Variants in INPP5D observed in about 807,000 individuals in gnomAD.
INPP5D encodes inositol polyphosphate-5-phosphatase D, also known as phosphatidylinositol 3,4,5-trisphosphate 5-phosphatase 1.
A neutral mutation model predicts 122.9 loss-of-function variants in INPP5D; 33 were observed. That is an observed-to-expected ratio of 0.27 (90% CI 0.20 to 0.36). The LOEUF (loss-of-function observed/expected upper bound fraction) is 0.36. INPP5D is among the 10% of genes least tolerant of loss of function. INPP5D has a pLI of 1.00. For missense variants in INPP5D, 1,053 were observed against 1,412.7 expected (o/e 0.75, Z 4.08); for synonymous variants, 584 against 576.2 (o/e 1.01, Z -0.19).
At position 233,060,596 on chromosome 2, in the gene INPP5D, T is replaced by C. The variant is rs758308733; in HGVS notation, c.118T>C (p.Tyr40His). ...TGCCAGCGAGTCCATCTCCCGGGCATACGCGCTCTGCGTGCTGTGAGTACA... is the reference window on the plus strand; with the variant it reads ...TGCCAGCGAGTCCATCTCCCGGGCACACGCGCTCTGCGTGCTGTGAGTACA... ...VRASESISRA[Y>H]ALCVLYRNCV... Residue 40 changes from tyrosine (Y) to histidine (H), a missense_variant, in exon 1 of 27, where the codon TAC becomes CAC. Tyr to His is a moderately conservative substitution (Grantham distance 83, BLOSUM62 2). This residue lies in a region of INPP5D where 74 missense variants were observed against 146.6 expected (regional missense o/e 0.50). Coordinates refer to ENST00000445964, the MANE Select transcript of INPP5D (RefSeq NM_001017915.3). 1.2e-6 allele frequency: 2 copies of C among 1,613,890 alleles called. No individual in the cohort carries two copies. The highest frequency in any genetic ancestry group is 1.3e-5 in the African/African-American group (1 of 74,954).
At chr2:233,193,563 A>T (rs1695106190) in intron 22 of INPP5D, among the ~76,000 whole-genome samples, 1 of 152,186 alleles carries the variant, frequency 6.6e-6, no homozygotes, top group African/African-American at 2.4e-5. Context: ...CAGCGATCAG[A>T]TGAGTGTTTA....
intron 14 of INPP5D, chr2:233,169,657 C>A: frequency 1.7e-6 from 1 of 604,006 alleles, no homozygotes; most frequent in Non-Finnish European, 2.8e-6. Flanking sequence ...CTAACTAGCA[C>A]TGTTTCTAAA....
chr2:233,176,997 A>G (rs970765738), intron 17 of INPP5D, among the ~76,000 whole-genome samples: 4 of 152,108 alleles, frequency 2.6e-5, no homozygotes, highest in Non-Finnish European at 1.5e-5. Context: ...AGAGAAGGTG[A>G]AGATACAAGG....
chr2:233,060,448 GC>G lies in INPP5D; in HGVS notation c.-29del. 1 of 1,567,806 alleles carries G rather than the reference GC, an allele frequency of 6.4e-7. No homozygotes were observed. The highest frequency in any genetic ancestry group is 8.7e-7 in the Non-Finnish European group (1 of 1,155,124). On this transcript the variant is annotated 5_prime_UTR_variant, in exon 1 of 27. Transcript: ENST00000445964. ...TGGTGTGTGGGTCCTGGGGGTGCCT[GC>G]CGGCCCGGCCGAGGAGGCCCACGCC...
chr2:233,134,352 T>C (rs1298210933), intron 5 of INPP5D, among the ~76,000 whole-genome samples: 1 of 150,536 alleles, frequency 6.6e-6, no homozygotes, highest in East Asian at 2.0e-4. Context: ...CAGGTGAGAG[T>C]GTAGACAGAG....
intron 13 of INPP5D, 93 bp from the exon 14 acceptor site, chr2:233,169,212 C>T: frequency 6.5e-7 from 1 of 1,527,892 alleles, no homozygotes; most frequent in South Asian, 1.2e-5. Flanking sequence ...TCCTCACTCA[C>T]TGCCCCTCTC....
intron 1 of INPP5D, among the ~76,000 whole-genome samples, chr2:233,062,849 C>T (rs1691111459): frequency 1.3e-5 from 2 of 152,140 alleles, no homozygotes; most frequent in African/African-American, 2.4e-5. Context: ...CATATGGCTG[C>T]CACCCTGGAT....
intron 5 of INPP5D, among the ~76,000 whole-genome samples, chr2:233,131,329 G>C (rs1045242384): frequency 7.4e-6 from 1 of 135,178 alleles, no homozygotes; most frequent in Non-Finnish European, 1.7e-5. Context: ...CCAAAAGCTT[G>C]GAAGAGAAAA....
At chr2:233,081,897 G>T (rs143458045) in intron 2 of INPP5D, among the ~76,000 whole-genome samples, 1,731 of 152,210 alleles carry the variant, frequency 0.011, 27 homozygotes, top group African/African-American at 0.033. Context: ...GGCTTTCTCC[G>T]CATGAGCCAC....
In INPP5D at chr2:233,204,736, G is replaced by A; in HGVS notation, c.3567+19G>A. The stretch of plus-strand genomic sequence containing the variant: ...CATGCAGGTGCGCTGCGCCACACGT[G>A]GGTTCGTGTGCATTTGTGTGTGTGT... On this transcript the variant is annotated intron_variant, in intron 26 of 26. Transcript: ENST00000445964. 6.8e-7 allele frequency: 1 copy of A among 1,473,490 alleles called. No individual in the cohort carries two copies. Among genetic ancestry groups the A allele is most frequent in the Non-Finnish European group, 9.0e-7 (1 of 1,114,568 alleles). The allele number at this position is 1,473,490 out of a possible 1,614,324, so 91.3% of individuals were successfully genotyped here.
Position 233,180,381 on chromosome 2 carries a change from C to T in INPP5D, c.2072-2029C>T, listed in dbSNP as rs537264847. On this transcript the variant is annotated intron_variant, in intron 18 of 26. Coordinates refer to ENST00000445964, the MANE Select transcript of INPP5D (RefSeq NM_001017915.3). ...AATGCTTAAAAAAAAAAACCCTGCT[C>T]GTCAACCCATTAAATTCTCCCTGGA... is the stretch of plus-strand genomic sequence containing the variant. Among the ~76,000 whole-genome samples the T allele has an allele frequency of 4.0e-4, 61 of 152,036 alleles. No homozygotes were observed. In the South Asian group the frequency reaches 4.2e-3, roughly 10 times the overall value.
At chr2:233,142,302 A>G (rs1005693921) in intron 6 of INPP5D, among the ~76,000 whole-genome samples, 2,971 of 152,322 alleles carry the variant, frequency 0.02, 45 homozygotes, top group African/African-American at 0.046. Flanking sequence ...TCAGAAATCA[A>G]GAGGGAGTTG....
chr2:233,146,494 G>A (rs1574763571), intron 8 of INPP5D, 56 bp downstream of exon 8: 1 of 702,432 alleles, frequency 1.4e-6, no homozygotes, highest in East Asian at 2.7e-5. Context: ...TGGGCAGAGA[G>A]ACATGTTCTT....
At chr2:233,083,197 C>T (rs1295917143) in intron 2 of INPP5D, among the ~76,000 whole-genome samples, 3 of 152,132 alleles carry the variant, frequency 2.0e-5, no homozygotes, top group African/African-American at 4.8e-5. Flanking sequence ...ACACATACCT[C>T]CCAGCACAAG....
chr2:233,122,124 C>G lies in INPP5D; in HGVS notation c.216C>G (p.Ser72=). The G allele has an allele frequency of 1.2e-6, 2 of 1,613,968 alleles. No homozygotes were observed. Among genetic ancestry groups the G allele is most frequent in the Non-Finnish European group, 1.7e-6 (2 of 1,179,882 alleles). ...KFTVQASEGV[S]MRFFTKLDQL... The stretch of plus-strand genomic sequence containing the variant: ...GTCCTCAGGCATCCGAAGGCGTCTC[C>G]ATGAGGTTCTTCACCAAGCTGGACC... Residue 72 remains serine (S), a synonymous_variant, in exon 3 of 27, where the codon TCC becomes TCG. Transcript: ENST00000445964.
At chr2:233,114,328 T>C (rs114127630) in intron 2 of INPP5D, among the ~76,000 whole-genome samples, 1,945 of 152,248 alleles carry the variant, frequency 0.013, 36 homozygotes, top group African/African-American at 0.044. Flanking sequence ...CTATGATTCT[T>C]AAATTTGGGG....
At chr2:233,095,860 A>G (rs576651099) in intron 2 of INPP5D, among the ~76,000 whole-genome samples, 1 of 152,126 alleles carries the variant, frequency 6.6e-6, no homozygotes, top group Non-Finnish European at 1.5e-5. Context: ...CACTGTTGAC[A>G]GTTTCTCAGA....
chr2:233,187,145 C>CTGCA (rs71296806), intron 21 of INPP5D, among the ~76,000 whole-genome samples: 25,527 of 151,930 alleles, frequency 0.17, 2,515 homozygotes, highest in Non-Finnish European at 0.22. Flanking sequence ...GATCATGCCA[C>CTGCA]TGCACTCCAG....
chr2:233,102,737 C>A (rs1692348807), intron 2 of INPP5D, among the ~76,000 whole-genome samples: 1 of 151,874 alleles, frequency 6.6e-6, no homozygotes, highest in Non-Finnish European at 1.5e-5. Context: ...GTAGTCCCAG[C>A]TACTCGGGAG....
Sources: gnomAD v4.1 joint callset for allele counts (sites outside exome capture counted in the v4.1 genomes callset) on GRCh38, gnomAD v4.1.1 for gene constraint, gnomAD v4.1.1 regional missense constraint, MANE v1.5 for transcripts, NCBI Gene and HGNC (gene_info 2026-07-23, HGNC 2026-07-21) for gene names.